The following GAPDHS variants were observed in gnomAD, a reference collection of about 807,000 sequenced individuals.
The protein encoded by GAPDHS is glyceraldehyde-3-phosphate dehydrogenase, testis-specific.
In GAPDHS, 42 loss-of-function variants were observed where a neutral mutation model predicts 48.7. That is an observed-to-expected ratio of 0.86 (90% CI 0.67 to 1.12). The LOEUF (loss-of-function observed/expected upper bound fraction) is 1.12, where lower values mean the gene tolerates loss of function less well. GAPDHS is among the 50% of genes most tolerant of loss of function. The pLI, the probability that GAPDHS is intolerant of heterozygous loss-of-function variation, is 0.00. For synonymous variants in GAPDHS, 166 were observed against 219.1 expected (o/e 0.76, Z 2.14); for missense variants, 512 against 557.7 (o/e 0.92, Z 0.82).
Position 35,545,099 on chromosome 19 carries a change from TACG to T in GAPDHS, c.1159_1161del (p.Asp387del), listed in dbSNP as rs2071536622. The stretch of plus-strand genomic sequence containing the variant: ...AACCTCCCGACCCCTCCTCCACAGG[TACG>T]ACAACGAATATGGCTACAGTCACCG... On this transcript the variant is annotated inframe_deletion and splice_region_variant, in exon 11 of 11. Coordinates refer to ENST00000222286, the MANE Select transcript of GAPDHS (RefSeq NM_014364.5). 4 of 1,613,952 alleles carry T rather than the reference TACG, an allele frequency of 2.5e-6. No individual in the cohort carries two copies. The highest frequency in any genetic ancestry group is 2.2e-5 in the East Asian group (1 of 44,870).
rs369789022 is a variant in GAPDHS, at chr19:35,542,476, C to A, written c.541-14C>A. On this transcript the variant is annotated splice_polypyrimidine_tract_variant and intron_variant, in intron 5 of 10. Transcript: ENST00000222286. ...TGGTGCCAGAAGCCCCTGACACCTG[C>A]GCTTCCTCCCCAGGACCACATCTCT... 1.0e-5 allele frequency: 16 copies of A among 1,601,356 alleles called. No homozygotes were observed. The Admixed American group carries it at 1.0e-4, about 10-fold the overall frequency.
rs1330503385 is a variant in GAPDHS at position 35,536,850 on chromosome 19, A to G, written c.105A>G (p.Glu35=). 6.2e-7 allele frequency: 1 copy of G among 1,613,734 alleles called. No homozygotes were observed. Among genetic ancestry groups the G allele is most frequent in the Non-Finnish European group, 8.5e-7 (1 of 1,179,736 alleles). Residue 35 remains glutamate, a synonymous_variant, in exon 2 of 11, where the codon GAA becomes GAG. Transcript: ENST00000222286. ...CGCCCCCACCTGAGCCTAAGGCTGA[A>G]GTAGAGCCCCAGCCACAACCAGAGC... ...RAPPPPEPKA[E]VEPQPQPEPT...
chr19:35,544,648 TG>T, intron 9 of GAPDHS: 1 of 517,788 alleles, frequency 1.9e-6, no homozygotes, highest in Non-Finnish European at 3.5e-6. Context: ...TCCAAACGCT[TG>T]CATTATTCCT....
At chr19:35,533,994 C>T in intron 1 of GAPDHS, among the ~76,000 whole-genome samples, 1 of 152,194 alleles carries the variant, frequency 6.6e-6, no homozygotes, top group East Asian at 1.9e-4. Context: ...GCTTTGCCCT[C>T]CCTGTGATGC....
chr19:35,544,796 T>C (rs572193257), intron 9 of GAPDHS, 113 bp from the exon 10 acceptor site: 1 of 742,268 alleles, frequency 1.3e-6, no homozygotes, highest in East Asian at 2.5e-5. Flanking sequence ...TAGGGCTACA[T>C]CAAATATTAT....
chr19:35,542,708 TCTC>T lies in GAPDHS; in HGVS notation c.659+103_659+105del, dbSNP rs2071513261. On this transcript the variant is annotated intron_variant, in intron 6 of 10. Coordinates refer to ENST00000222286, the MANE Select transcript of GAPDHS (RefSeq NM_014364.5). ...GATTCCTGGTCGCTTGGCTTCTGCT[TCTC>T]CTTCCCGAAACTATCTGCTAAAAAC... 25 of 890,964 alleles carry T rather than the reference TCTC, an allele frequency of 2.8e-5. 1 individual carries two copies. In the South Asian group the frequency reaches 3.6e-4, roughly 13 times the overall value. 55.2% of individuals were successfully genotyped at this position (890,964 alleles called of 1,614,324 possible).
At chr19:35,534,829 GAGAC>G (rs1182078530) in intron 1 of GAPDHS, among the ~76,000 whole-genome samples, 3 of 152,114 alleles carry the variant, frequency 2.0e-5, no homozygotes, top group East Asian at 3.9e-4. Flanking sequence ...AGAGGTCAGG[GAGAC>G]AGACAGGCCA....
chr19:35,538,159 G>A (rs1314574684), intron 2 of GAPDHS, 148 bp from the exon 3 acceptor site: 4 of 616,872 alleles, frequency 6.5e-6, no homozygotes, highest in Middle Eastern at 4.3e-4. Flanking sequence ...AGGGGCTGGT[G>A]AGGTCATCTT....
Position 35,542,394 on chromosome 19 carries a change from C to T in GAPDHS, c.525C>T (p.Ser175=). 1 of 1,604,246 alleles carries T rather than the reference C, an allele frequency of 6.2e-7. No individual in the cohort carries two copies. Among genetic ancestry groups the T allele is most frequent in the Non-Finnish European group, 8.5e-7 (1 of 1,171,290 alleles). The change falls in exon 5 of 11, where the codon TCC becomes TCT. Residue 175 remains serine, a synonymous_variant. Transcript: ENST00000222286. ...TGGAGTCCACAGGCGTGTACCTCTC[C>T]ATACAGGCAGCTTCGGTAAGCTGGG... is the stretch of plus-strand genomic sequence containing the variant. ...YVVESTGVYL[S]IQAASDHISA...
chr19:35,534,424 G>A (rs140069681), intron 1 of GAPDHS, among the ~76,000 whole-genome samples: 383 of 152,310 alleles, frequency 2.5e-3, no homozygotes, highest in African/African-American at 8.7e-3. Context: ...CGTGGCCTCA[G>A]GCTTCATTTT....
chr19:35,539,424 G>A (rs897423917), intron 4 of GAPDHS, among the ~76,000 whole-genome samples: 16 of 152,172 alleles, frequency 1.1e-4, no homozygotes, highest in African/African-American at 3.1e-4. Context: ...GCCCTGGGCC[G>A]AGAGAAGGGC....
intron 4 of GAPDHS, among the ~76,000 whole-genome samples, chr19:35,540,520 G>A (rs78291367): frequency 5.9e-5 from 9 of 152,244 alleles, no homozygotes; most frequent in Non-Finnish European, 1.3e-4. Flanking sequence ...ATGGAAAGTG[G>A]ACTGACAGAG....
intron 2 of GAPDHS, among the ~76,000 whole-genome samples, chr19:35,538,042 C>T (rs1417333475): frequency 6.6e-6 from 1 of 152,066 alleles, no homozygotes; most frequent in Non-Finnish European, 1.5e-5. Context: ...CGCCACTGCA[C>T]TCCAGCCTGG....
At chr19:35,535,312 G>T (rs1219358305) in intron 1 of GAPDHS, among the ~76,000 whole-genome samples, 1 of 152,188 alleles carries the variant, frequency 6.6e-6, no homozygotes, top group Non-Finnish European at 1.5e-5. Flanking sequence ...GCTTCCATGG[G>T]TTTCACAGAG....
At position 35,544,980 on chromosome 19, in the gene GAPDHS, T is replaced by G; in HGVS notation, c.1128T>G (p.Asn376Lys). ...IFDAKAGIAL[N>K]DNFVKLISWY... The stretch of plus-strand genomic sequence containing the variant: ...ATGCTAAGGCCGGCATTGCGCTCAA[T>G]GACAATTTCGTGAAGCTCATTTCAT... Residue 376 changes from asparagine to lysine, a missense_variant, in exon 10 of 11, where the codon AAT (asparagine) becomes AAG (lysine). Transcript: ENST00000222286. 6.2e-7 allele frequency: 1 copy of G among 1,613,844 alleles called. No individual in the cohort carries two copies. The highest frequency in any genetic ancestry group is 8.5e-7 in the Non-Finnish European group (1 of 1,179,736).
At position 35,545,235 on chromosome 19, in the gene GAPDHS, A is replaced by G. The variant is rs1184325281; in HGVS notation, c.*65A>G. On this transcript the variant is annotated 3_prime_UTR_variant, in exon 11 of 11. Coordinates refer to ENST00000222286, the MANE Select transcript of GAPDHS (RefSeq NM_014364.5). Reference sequence around the variant, plus strand: ...CGGAACATGTGCCTCCCGTTCCAGCATCTGGCTGCCCGGGGGAGGAAGGAC... The same window carrying G: ...CGGAACATGTGCCTCCCGTTCCAGCGTCTGGCTGCCCGGGGGAGGAAGGAC... The G allele has an allele frequency of 1.5e-6, 2 of 1,369,212 alleles. No homozygotes were observed. The highest frequency in any genetic ancestry group is 2.1e-6 in the Non-Finnish European group (2 of 957,802). The allele number at this position is 1,369,212 out of a possible 1,614,324, so 84.8% of individuals were successfully genotyped here. A position where few individuals can be genotyped will look rare whatever the true frequency, so the allele number is the denominator to read the frequency against.
At chr19:35,542,216 G>A (rs954615398) in intron 4 of GAPDHS, 103 bp from the exon 5 acceptor site, 5 of 768,348 alleles carry the variant, frequency 6.5e-6, no homozygotes, top group Non-Finnish European at 9.1e-6. Context: ...GGTGGTTGCA[G>A]GTGGGCCGGT....
At chr19:35,542,022 G>C (rs2071506674) in intron 4 of GAPDHS, 1 of 435,568 alleles carries the variant, frequency 2.3e-6, no homozygotes, top group Non-Finnish European at 4.3e-6. Flanking sequence ...GCTGACAGCA[G>C]TCAGCATTGG....
chr19:35,538,211 T>G (rs577804814), intron 2 of GAPDHS, 96 bp from the exon 3 acceptor site: 35 of 804,158 alleles, frequency 4.4e-5, no homozygotes, highest in Non-Finnish European at 7.3e-5. Context: ...TGTTGCCTTC[T>G]TCCCCTGGAT....
Sources: gnomAD v4.1 joint callset for allele counts (sites outside exome capture counted in the v4.1 genomes callset) on GRCh38, gnomAD v4.1.1 for gene constraint, MANE v1.5 for transcripts, NCBI Gene and HGNC (gene_info 2026-07-23, HGNC 2026-07-21) for gene names.